The following HERC2 variants were observed in gnomAD, a reference collection of about 807,000 sequenced individuals.
HERC2 encodes the protein HECT and RLD domain containing E3 ubiquitin protein ligase 2, also known as E3 ubiquitin-protein ligase HERC2.
HERC2 carries 102 observed loss-of-function variants against 537.7 expected under a neutral mutation model. The ratio of observed to expected loss-of-function variants is 0.19; its 90% CI spans 0.16 to 0.22. The LOEUF is 0.22. Among genes scored for constraint, HERC2 ranks in the 10% least tolerant of loss-of-function variants. HERC2 has a pLI of 1.00. For synonymous variants in HERC2, 2,224 were observed against 2,466.2 expected (o/e 0.90, Z 2.91); for missense variants, 4,236 against 6,198.2 (o/e 0.68, Z 10.63).
At chr15:28,117,206 C>T in intron 86 of HERC2, 52 bp from the exon 87 acceptor site, 1 of 1,582,824 alleles carries the variant, frequency 6.3e-7, no homozygotes, top group Non-Finnish European at 8.7e-7. Flanking sequence ...GCAGGAAGCA[C>T]ACAGTCGGGG....
chr15:28,114,557 C>T (rs1333258622), intron 90 of HERC2, 55 bp downstream of exon 90: 11 of 1,535,060 alleles, frequency 7.2e-6, no homozygotes, highest in East Asian at 2.3e-5. Context: ...CACACAACCA[C>T]GTTCTGCTAC....
intron 17 of HERC2, 46 bp downstream of exon 17, chr15:28,257,015 C>CT (rs2075283513): frequency 6.6e-7 from 1 of 1,516,884 alleles, no homozygotes; most frequent in Non-Finnish European, 9.1e-7. Context: ...TTACAAATCC[C>CT]TAAGACACTT....
intron 35 of HERC2, among the ~76,000 whole-genome samples, chr15:28,222,985 T>A (rs1459643766): frequency 6.6e-6 from 1 of 152,134 alleles, no homozygotes; most frequent in South Asian, 2.1e-4. Flanking sequence ...ATGTCCTTTT[T>A]TCATGATTTT....
intron 20 of HERC2, among the ~76,000 whole-genome samples, chr15:28,249,144 A>C (rs190848982): frequency 7.5e-4 from 114 of 152,334 alleles, no homozygotes; most frequent in African/African-American, 2.7e-3. Context: ...GAACAAACAC[A>C]GTGTCATTAT....
chr15:28,142,255 G>T lies in HERC2; in HGVS notation c.11683C>A (p.Arg3895Ser), dbSNP rs372855047. ...VALDKRTPLP[R>S]LFLDEVAKKI... ...TGCAATACCTCATCAAGAAACAGAC[G>T]GGGCAACGGTGTTCTTTTGTCAAGG... Residue 3895 changes from arginine (R) to serine (S), a missense_variant, in exon 76 of 93, where the codon CGT becomes AGT. This residue lies in a region of HERC2 where 156 missense variants were observed against 172.3 expected (regional missense o/e 0.91). Transcript: ENST00000261609. 6.2e-7 allele frequency: 1 copy of T among 1,613,986 alleles called. No individual in the cohort carries two copies.
chr15:28,196,974 T>C (rs183714730), intron 50 of HERC2, among the ~76,000 whole-genome samples: 1 of 152,358 alleles, frequency 6.6e-6, no homozygotes, highest in East Asian at 1.9e-4. Flanking sequence ...CATGAAGACT[T>C]CTTTCGTCCT....
In HERC2 at chr15:28,285,959, A is replaced by G. The variant is rs1188448320; in HGVS notation, c.323-5672T>C. 3.9e-5 allele frequency among the ~76,000 whole-genome samples: 6 copies of G among 152,104 alleles called. No individual in the cohort carries two copies. The East Asian group carries it at 1.2e-3, about 29-fold the overall frequency. On this transcript the variant is annotated intron_variant, in intron 4 of 92. Coordinates refer to ENST00000261609, the MANE Select transcript of HERC2 (RefSeq NM_004667.6). The stretch of plus-strand genomic sequence containing the variant: ...ACTTATTCCTCAAATAATACAAATT[A>G]CCACAACTCACCAAATATAAAATAG...
intron 50 of HERC2, among the ~76,000 whole-genome samples, chr15:28,197,214 A>G (rs1196936824): frequency 3.9e-5 from 6 of 152,242 alleles, no homozygotes; most frequent in African/African-American, 9.6e-5. Context: ...ATGAAAAGAG[A>G]GCCTTCCACA....
At chr15:28,236,618 TG>T (rs1288714335) in intron 26 of HERC2, among the ~76,000 whole-genome samples, 2 of 150,804 alleles carry the variant, frequency 1.3e-5, no homozygotes, top group Non-Finnish European at 3.0e-5. Context: ...GAGAGAGTCT[TG>T]CTCTGTCACC....
intron 6 of HERC2, 83 bp from the exon 7 acceptor site, chr15:28,274,530 G>A (rs1459618473): frequency 1.5e-5 from 21 of 1,421,920 alleles, no homozygotes; most frequent in Middle Eastern, 2.4e-4. Context: ...GAGAGATGAC[G>A]CCACTGTCAC....
rs1887863161 is a variant in HERC2, at chr15:28,113,356, C to CCT, written c.14020-75_14020-74dup. The CCT allele has an allele frequency of 1.4e-6, 2 of 1,459,874 alleles. No individual in the cohort carries two copies. The highest frequency in any genetic ancestry group is 2.8e-5 in the African/African-American group (2 of 71,822). 90.4% of individuals were successfully genotyped at this position (1,459,874 alleles called of 1,614,324 possible). A position where few individuals can be genotyped will look rare whatever the true frequency, so the allele number is the denominator to read the frequency against. On this transcript the variant is annotated intron_variant, in intron 91 of 92. Transcript: ENST00000261609. This position sits in a 1 kb window ranked among gnomAD's most constrained non-coding sequence, Gnocchi z 7.0. Reference sequence around the variant, plus strand: ...ATTTCCGCAAGACTCCGTCACGCTCCCTCTCTACACCAAGGCCTGTTTGGG... The same window carrying CCT: ...ATTTCCGCAAGACTCCGTCACGCTCCCTCTCTCTACACCAAGGCCTGTTTGGG...
chr15:28,253,831 G>A (rs1416344982), intron 20 of HERC2, among the ~76,000 whole-genome samples: 13 of 151,744 alleles, frequency 8.6e-5, no homozygotes, highest in African/African-American at 2.2e-4. Flanking sequence ...GTGTGGTTGC[G>A]GACGCCTGTA....
chr15:28,132,250 C>T lies in HERC2; in HGVS notation c.12420G>A (p.Leu4140=), dbSNP rs1890186180. 4.3e-6 allele frequency: 7 copies of T among 1,610,480 alleles called. No individual in the cohort carries two copies. Among genetic ancestry groups the T allele is most frequent in the African/African-American group, 1.3e-5 (1 of 74,848 alleles). The change falls in exon 81 of 93, where the codon CTG becomes CTA. Residue 4140 remains leucine (L), a synonymous_variant. Transcript: ENST00000261609. Reference sequence around the variant, plus strand: ...CGATGTCAACCACACGGTGGCCCTGCAGCGCCTCCACCTTCAGAGAAAAGG... The same window carrying T: ...CGATGTCAACCACACGGTGGCCCTGTAGCGCCTCCACCTTCAGAGAAAAGG... ...DQLKPKLVEA[L]QGHRVVDIAC... is the part of the protein sequence containing the mutation.
Position 28,265,851 on chromosome 15 carries a change from G to C in HERC2, c.1722C>G (p.Thr574=), listed in dbSNP as rs769115067. ...AAITAEGELY[T]WGRGNYGRLG... ...GCCGGCCGTAGTTCCCGCGGCCCCA[G>C]GTGTACAGCTCCCCCTCGGCAGTGA... Residue 574 remains threonine, a synonymous_variant, in exon 13 of 93, where the codon ACC becomes ACG. Coordinates refer to ENST00000261609, the MANE Select transcript of HERC2 (RefSeq NM_004667.6). This position sits in a 1 kb window ranked among gnomAD's most constrained non-coding sequence, Gnocchi z 4.0. The C allele has an allele frequency of 6.2e-7, 1 of 1,614,162 alleles. No homozygotes were observed. Among genetic ancestry groups the C allele is most frequent in the Admixed American group, 1.7e-5 (1 of 60,016 alleles).
chr15:28,144,921 T>A (rs1891584318), intron 71 of HERC2, 117 bp from the exon 72 acceptor site: 1 of 1,318,936 alleles, frequency 7.6e-7, no homozygotes, highest in East Asian at 2.4e-5. Context: ...GTTCCTCCAA[T>A]CCAAGCTCTC....
At position 28,314,863 on chromosome 15, in the gene HERC2, G is replaced by GA. The variant is rs11324616; in HGVS notation, c.72+6498dup. ...GCAACAGAGCAAGACTCCCTCTCAG[G>GA]AAAAAAAAAAAAAAAATCATATGTC... On this transcript the variant is annotated intron_variant, in intron 2 of 92. Transcript: ENST00000261609. Among the ~76,000 whole-genome samples, 695 of 142,804 alleles carry GA rather than the reference G, an allele frequency of 4.9e-3. 5 individuals carry two copies. Among genetic ancestry groups the GA allele is most frequent in the African/African-American group, 0.016 (624 of 38,620 alleles). 93.7% of individuals were successfully genotyped at this position (142,804 alleles called of 152,430 possible). A position where few individuals can be genotyped will look rare whatever the true frequency, so the allele number is the denominator to read the frequency against.
chr15:28,225,977 T>C (rs1318667955), intron 35 of HERC2, among the ~76,000 whole-genome samples: 4 of 152,194 alleles, frequency 2.6e-5, no homozygotes, highest in Non-Finnish European at 5.9e-5. Context: ...AAGAAAAGCT[T>C]AGCTGGTCAA....
chr15:28,236,901 A>G (rs1902518996), intron 26 of HERC2, 62 bp downstream of exon 26: 3 of 1,511,020 alleles, frequency 2.0e-6, no homozygotes, highest in Non-Finnish European at 2.8e-6. Flanking sequence ...TCCCACTCTT[A>G]ATGGCACTTA....
intron 70 of HERC2, among the ~76,000 whole-genome samples, chr15:28,148,197 C>T (rs1891971359): frequency 6.6e-6 from 1 of 152,002 alleles, no homozygotes; most frequent in African/African-American, 2.4e-5. Context: ...GAAAGAACCA[C>T]ATAAATCAGA....
Sources: gnomAD v4.1 joint callset for allele counts (sites outside exome capture counted in the v4.1 genomes callset) on GRCh38, gnomAD v4.1.1 for gene constraint, gnomAD v4.1.1 regional missense constraint, Gnocchi (gnomAD v3.1) non-coding constraint, MANE v1.5 for transcripts, NCBI Gene and HGNC (gene_info 2026-07-23, HGNC 2026-07-21) for gene names.